Variants in SLC12A3 observed in about 807,000 individuals in gnomAD.
SLC12A3 encodes solute carrier family 12 member 3.
A neutral mutation model predicts 121.0 loss-of-function variants in SLC12A3; 104 were observed. The ratio of observed to expected loss-of-function variants is 0.86; its 90% confidence interval spans 0.73 to 1.01. SLC12A3 has a LOEUF of 1.01. Ranked by LOEUF, SLC12A3 falls within the 50% of genes least tolerant of loss-of-function variation. The probability of loss-of-function intolerance (pLI) is 0.00; values close to 1 mark genes in which losing one functional copy is unlikely to be tolerated. For missense variants in SLC12A3, 1,328 were observed against 1,356.3 expected, an observed-to-expected ratio of 0.98 and a Z score of 0.33; for synonymous variants, 536 against 533.4, an observed-to-expected ratio of 1.00 and a Z score of -0.07.
At chr16:56,891,484 T>C (rs2055388397) in intron 19 of SLC12A3, among the ~76,000 whole-genome samples, 1 of 152,090 alleles carries the variant, frequency 6.6e-6, no homozygotes, top group Non-Finnish European at 1.5e-5. Context: ...TCCGCGTCTC[T>C]TGCAGCCAGG....
At chr16:56,868,434 C>T in intron 3 of SLC12A3, 62 bp downstream of exon 3, 1 of 1,492,878 alleles carries the variant, frequency 6.7e-7, no homozygotes, top group Non-Finnish European at 9.2e-7. Context: ...TCCCAGCTTG[C>T]CTGAATCCTG....
At chr16:56,891,389 A>AT (rs1366614298) in intron 19 of SLC12A3, among the ~76,000 whole-genome samples, 1 of 151,572 alleles carries the variant, frequency 6.6e-6, no homozygotes, top group African/African-American at 2.4e-5. Context: ...AAAAAAAAAA[A>AT]AAAAGGAAAT....
intron 24 of SLC12A3, among the ~76,000 whole-genome samples, chr16:56,903,056 G>A (rs960022098): frequency 4.6e-5 from 7 of 152,004 alleles, no homozygotes; most frequent in Admixed American, 2.6e-4. Flanking sequence ...GGCTGAGGCA[G>A]GAGAATCGCT....
chr16:56,889,883 C>A (rs900933915), intron 18 of SLC12A3, among the ~76,000 whole-genome samples: 1 of 152,228 alleles, frequency 6.6e-6, no homozygotes, highest in Non-Finnish European at 1.5e-5. Flanking sequence ...CAGCTGCTCA[C>A]TCCCTTAGCT....
intron 22 of SLC12A3, among the ~76,000 whole-genome samples, chr16:56,898,115 G>C (rs1156395776): frequency 3.3e-5 from 5 of 152,170 alleles, no homozygotes; most frequent in African/African-American, 7.2e-5. Flanking sequence ...CCAGTCCAGT[G>C]GTCCCTAACC....
chr16:56,901,329 C>A (rs1379000926), intron 23 of SLC12A3, among the ~76,000 whole-genome samples: 1 of 148,880 alleles, frequency 6.7e-6, no homozygotes, highest in African/African-American at 2.5e-5. Flanking sequence ...TGCCAATCAG[C>A]CCTACATCTC....
intron 1 of SLC12A3, 31 bp downstream of exon 1, chr16:56,865,548 C>T (rs536582528): frequency 8.1e-6 from 13 of 1,605,216 alleles, no homozygotes; most frequent in Non-Finnish European, 1.0e-5. Context: ...CTGGCCACTT[C>T]CCTGCTGTGT....
intron 8 of SLC12A3, among the ~76,000 whole-genome samples, chr16:56,873,775 G>A (rs1442456964): frequency 2.7e-5 from 4 of 149,238 alleles, no homozygotes; most frequent in South Asian, 2.1e-4. Flanking sequence ...GCAGTGGCAC[G>A]ATCTCAGCTC....
intron 18 of SLC12A3, 124 bp downstream of exon 18, chr16:56,888,155 T>A: frequency 1.5e-6 from 1 of 679,080 alleles, no homozygotes. Flanking sequence ...GGCTGGCATC[T>A]GTAGTCCCAG....
At chr16:56,878,857 C>A (rs562016761) in intron 9 of SLC12A3, among the ~76,000 whole-genome samples, 6 of 152,300 alleles carry the variant, frequency 3.9e-5, no homozygotes, top group African/African-American at 1.4e-4. Context: ...TGTAAAATGG[C>A]AACGACAACA....
At chr16:56,897,235 G>C (rs1223791094) in intron 22 of SLC12A3, among the ~76,000 whole-genome samples, 2 of 152,246 alleles carry the variant, frequency 1.3e-5, no homozygotes, top group Non-Finnish European at 2.9e-5. Flanking sequence ...GCAAGTTCAG[G>C]TGAGGTGGGA....
chr16:56,891,160 G>A (rs2055383151), intron 19 of SLC12A3, among the ~76,000 whole-genome samples: 1 of 151,770 alleles, frequency 6.6e-6, no homozygotes, highest in Non-Finnish European at 1.5e-5. Context: ...GATCGCTTGA[G>A]TCTAGGAGTT....
intron 18 of SLC12A3, 103 bp downstream of exon 18, chr16:56,888,134 C>T (rs1226135173): frequency 1.2e-6 from 1 of 809,516 alleles, no homozygotes. Flanking sequence ...TTGAGTCCTG[C>T]TGGGCAAAGT....
chr16:56,880,426 C>T (rs533125100), intron 12 of SLC12A3, among the ~76,000 whole-genome samples, 173 bp downstream of exon 12: 2 of 152,262 alleles, frequency 1.3e-5, no homozygotes, highest in South Asian at 2.1e-4. Context: ...GAGGAGACAT[C>T]GGGGGGCCAT....
intron 15 of SLC12A3, among the ~76,000 whole-genome samples, chr16:56,885,665 T>C (rs2055301373): frequency 6.6e-6 from 1 of 152,154 alleles, no homozygotes; most frequent in Non-Finnish European, 1.5e-5. Flanking sequence ...CCGGAGCCAA[T>C]GGTGACGAAC....
intron 25 of SLC12A3, among the ~76,000 whole-genome samples, chr16:56,905,734 C>G (rs951545758): frequency 6.6e-6 from 1 of 152,112 alleles, no homozygotes; most frequent in Non-Finnish European, 1.5e-5. Flanking sequence ...TACATCCTCA[C>G]ATAGGATGTA....
At chr16:56,898,448 C>T (rs895625719) in intron 22 of SLC12A3, among the ~76,000 whole-genome samples, 1 of 152,046 alleles carries the variant, frequency 6.6e-6, no homozygotes, top group Non-Finnish European at 1.5e-5. Context: ...TTAGTGGAGA[C>T]GGGGTTTCAC....
chr16:56,886,862 C>G, intron 16 of SLC12A3, 91 bp from the exon 17 acceptor site: 1 of 1,580,244 alleles, frequency 6.3e-7, no homozygotes, highest in Admixed American at 1.7e-5. Context: ...CTGCCAAGCC[C>G]CTGGGGCAGC....
intron 22 of SLC12A3, among the ~76,000 whole-genome samples, chr16:56,898,748 C>T (rs2055498814): frequency 1.3e-5 from 2 of 152,262 alleles, no homozygotes; most frequent in South Asian, 4.1e-4. Context: ...TCAGTGCCAT[C>T]TGTCTTGCTA....
Sources: allele counts gnomAD v4.1 joint callset (sites outside exome capture counted in the v4.1 genomes callset), GRCh38; gene constraint gnomAD v4.1.1; transcripts MANE v1.5; gene names NCBI Gene and HGNC (gene_info 2026-07-23, HGNC 2026-07-21).